Variants in ASTN2 observed in about 807,000 individuals in gnomAD.
The protein encoded by ASTN2 is astrotactin 2, also known as astrotactin-2.
In ASTN2, 54 loss-of-function variants were observed where a neutral mutation model predicts 139.8. The observed-to-expected ratio is 0.39, with a 90% CI of 0.31 to 0.48. The LOEUF is 0.48. Among genes scored for constraint, ASTN2 ranks in the 20% least tolerant of loss-of-function variants. The pLI is 0.95. For synonymous variants in ASTN2, 756 were observed against 719.5 expected (o/e 1.05, Z -0.81); for missense variants, 1,565 against 1,725.1 (o/e 0.91, Z 1.64).
chr9:117,171,008 GCATCATTACCAC>G (rs1830779441), intron 3 of ASTN2, among the ~76,000 whole-genome samples: 1 of 152,032 alleles, frequency 6.6e-6, no homozygotes. Flanking sequence ...GCTGGGAACC[GCATCATTACCAC>G]CAACCATGCC....
intron 2 of ASTN2, among the ~76,000 whole-genome samples, chr9:117,243,211 C>T (rs1833267951): frequency 6.6e-6 from 1 of 152,202 alleles, no homozygotes; most frequent in Non-Finnish European, 1.5e-5. Flanking sequence ...TGTTGTCTAA[C>T]TCTCGCTGTG....
At chr9:117,061,501 G>A (rs1384767027) in intron 5 of ASTN2, among the ~76,000 whole-genome samples, 1 of 152,022 alleles carries the variant, frequency 6.6e-6, no homozygotes, top group Non-Finnish European at 1.5e-5. Context: ...GGCTCATCAG[G>A]AAGAGGACTC....
intron 3 of ASTN2, among the ~76,000 whole-genome samples, chr9:117,212,825 C>T (rs931607949): frequency 1.3e-5 from 2 of 152,100 alleles, no homozygotes; most frequent in African/African-American, 2.4e-5. Flanking sequence ...AAAACTCATA[C>T]ACTGTCATGC....
At chr9:117,393,697 C>T (rs768565992) in intron 1 of ASTN2, among the ~76,000 whole-genome samples, 3 of 152,182 alleles carry the variant, frequency 2.0e-5, no homozygotes, top group Non-Finnish European at 2.9e-5. Flanking sequence ...GCTCCTGTCT[C>T]GCAGGGACTG....
chr9:116,850,949 T>G lies in ASTN2; in HGVS notation c.2040+12634A>C, dbSNP rs375651385. On this transcript the variant is annotated intron_variant, in intron 11 of 22. Transcript: ENST00000313400. ...CTAGGGAGTAGGATCCAAAGCATCA[T>G]TTTCTAGCTCTGTAAATAGACTATG... 3.9e-5 allele frequency among the ~76,000 whole-genome samples: 6 copies of G among 152,310 alleles called. No individual in the cohort carries two copies. The East Asian group carries it at 9.7e-4, about 25-fold the overall frequency.
chr9:116,793,011 T>C (rs139608841), intron 13 of ASTN2, among the ~76,000 whole-genome samples: 122 of 151,982 alleles, frequency 8.0e-4, no homozygotes, highest in Admixed American at 1.3e-3. Flanking sequence ...GCTCAGCACA[T>C]GAGTAAAGGG....
intron 5 of ASTN2, among the ~76,000 whole-genome samples, chr9:117,086,736 C>T (rs1382666946): frequency 6.6e-6 from 1 of 152,156 alleles, no homozygotes. Context: ...GTACCCATGT[C>T]CAGGCCCTGT....
chr9:116,504,576 T>A (rs1233696625), intron 19 of ASTN2, among the ~76,000 whole-genome samples: 1 of 152,148 alleles, frequency 6.6e-6, no homozygotes, highest in Non-Finnish European at 1.5e-5. Context: ...TCTTACACTC[T>A]CAAGTAATAA....
chr9:116,636,179 C>G (rs1261757825), intron 17 of ASTN2, among the ~76,000 whole-genome samples: 5 of 152,182 alleles, frequency 3.3e-5, no homozygotes, highest in African/African-American at 7.2e-5. Context: ...TTCTGAGCGT[C>G]AGTCTCCTTT....
At chr9:116,700,584 C>T (rs1212944840) in intron 16 of ASTN2, 1 of 167,060 alleles carries the variant, frequency 6.0e-6, no homozygotes, top group African/African-American at 2.4e-5. Context: ...TAGGCCAGGG[C>T]CAACAAAGTG....
chr9:116,823,323 G>A (rs1409638), intron 11 of ASTN2, among the ~76,000 whole-genome samples: 129,417 of 152,142 alleles, frequency 0.85, 55,201 homozygotes, highest in East Asian at 0.95. Flanking sequence ...GTTGCTATTA[G>A]CTGCCTAATG....
intron 5 of ASTN2, among the ~76,000 whole-genome samples, chr9:117,047,250 G>T (rs17307519): frequency 0.23 from 35,451 of 152,124 alleles, 5,186 homozygotes; most frequent in Non-Finnish European, 0.31. Context: ...CATATCCTCA[G>T]CGTGTCTCTT....
At chr9:117,027,551 C>T (rs1588492884) in intron 6 of ASTN2, among the ~76,000 whole-genome samples, 1 of 152,264 alleles carries the variant, frequency 6.6e-6, no homozygotes, top group South Asian at 2.1e-4. Context: ...TGTCCTCCCT[C>T]TCTCCCCCCA....
At position 116,463,908 on chromosome 9, in the gene ASTN2, G is replaced by GTTTTTT. The variant is rs71502069; in HGVS notation, c.3498-21361_3498-21356dup. Among the ~76,000 whole-genome samples the GTTTTTT allele has an allele frequency of 3.6e-3, 417 of 115,876 alleles. 9 individuals carry two copies. Among genetic ancestry groups the GTTTTTT allele is most frequent in the Admixed American group, 5.4e-3 (58 of 10,720 alleles). 76.0% of individuals were successfully genotyped at this position (115,876 alleles called of 152,430 possible). On this transcript the variant is annotated intron_variant, in intron 20 of 22. Transcript: ENST00000313400. Reference sequence around the variant, plus strand: ...CATGCCACCATGAACAGAGTTTTGTGTTTTTTTTTTTTTTTTTTTGAGAGA... The same window carrying GTTTTTT: ...CATGCCACCATGAACAGAGTTTTGTGTTTTTTTTTTTTTTTTTTTTTTTTTGAGAGA...
chr9:116,498,913 G>A (rs1414252130), intron 19 of ASTN2, among the ~76,000 whole-genome samples: 1 of 152,094 alleles, frequency 6.6e-6, no homozygotes, highest in African/African-American at 2.4e-5. Flanking sequence ...CTTCACACAC[G>A]AAGAAAAAAG....
At chr9:117,370,923 G>A (rs1341011262) in intron 1 of ASTN2, among the ~76,000 whole-genome samples, 1 of 152,038 alleles carries the variant, frequency 6.6e-6, no homozygotes, top group Admixed American at 6.6e-5. Context: ...CCCAAGGGAG[G>A]GCAAAAACTA....
At chr9:116,632,168 G>GAC (rs1564168699) in intron 17 of ASTN2, among the ~76,000 whole-genome samples, 27 of 33,624 alleles carry the variant, frequency 8.0e-4, no homozygotes, top group South Asian at 1.7e-3. Flanking sequence ...CAGAGAGAGA[G>GAC]AGAGAGAGAG....
intron 16 of ASTN2, among the ~76,000 whole-genome samples, chr9:116,688,857 A>T (rs961380974): frequency 5.3e-5 from 8 of 151,692 alleles, no homozygotes; most frequent in Admixed American, 1.3e-4. Context: ...GGAGACAGAC[A>T]AAACAACAAC....
intron 17 of ASTN2, among the ~76,000 whole-genome samples, chr9:116,621,151 A>G (rs1406329044): frequency 1.3e-5 from 2 of 152,208 alleles, no homozygotes; most frequent in Admixed American, 6.5e-5. Flanking sequence ...AACAGTTTCT[A>G]TAACGGGCCA....
Sources: gnomAD v4.1 joint callset for allele counts (sites outside exome capture counted in the v4.1 genomes callset) on GRCh38, gnomAD v4.1.1 for gene constraint, MANE v1.5 for transcripts, NCBI Gene and HGNC (gene_info 2026-07-23, HGNC 2026-07-21) for gene names.